PCDH15: variants seen among roughly 807,000 people sequenced by gnomAD.
The protein encoded by PCDH15 is protocadherin-15.
Under a neutral mutation model 178.5 loss-of-function variants are expected in PCDH15, and 129 were observed. The observed-to-expected ratio is 0.72, with a 90% confidence interval of 0.63 to 0.84. PCDH15 has a LOEUF of 0.84. PCDH15 is among the 40% of genes least tolerant of loss of function. PCDH15 has a pLI of 0.00. For missense variants in PCDH15, 2,230 were observed against 2,099.9 expected (o/e 1.06, Z -1.21); for synonymous variants, 800 against 732.0 (o/e 1.09, Z -1.50).
chr10:54,436,139 A>C, intron 3 of PCDH15, among the ~76,000 whole-genome samples: 1 of 149,116 alleles, frequency 6.7e-6, no homozygotes, highest in East Asian at 1.9e-4. Context: ...AAGAAAAAGA[A>C]AGAAAGAAAG....
chr10:54,185,127 T>G lies in PCDH15; in HGVS notation c.1440+7A>C, dbSNP rs540070936. Reference sequence around the variant, plus strand: ...TACATATGTATATTTACACAAAAGCTCTTTACCGAAAAGGTGTAAGTTTGC... The same window carrying G: ...TACATATGTATATTTACACAAAAGCGCTTTACCGAAAAGGTGTAAGTTTGC... On this transcript the variant is annotated splice_region_variant and intron_variant, in intron 12 of 37. Transcript: ENST00000644397. The G allele has an allele frequency of 2.0e-5, 33 of 1,613,104 alleles. No homozygotes were observed. In the East Asian group the frequency reaches 6.7e-4, roughly 33 times the overall value.
upstream of PCDH15, among the ~76,000 whole-genome samples, chr10:55,322,274 G>T (rs1191755645): frequency 6.6e-6 from 1 of 152,142 alleles, no homozygotes; most frequent in Admixed American, 6.5e-5. Flanking sequence ...GGCCTCCCCA[G>T]CCATGTGGAA....
At chr10:53,905,948 CA>C (rs1441776246) in intron 25 of PCDH15, among the ~76,000 whole-genome samples, 2 of 151,912 alleles carry the variant, frequency 1.3e-5, no homozygotes, top group Non-Finnish European at 2.9e-5. Context: ...AGCACACAAA[CA>C]AAATCTCAAG....
chr10:55,117,153 G>A (rs188234504), intron 2 of PCDH15, among the ~76,000 whole-genome samples: 1 of 152,204 alleles, frequency 6.6e-6, no homozygotes, highest in African/African-American at 2.4e-5. Context: ...CTTGTTAATC[G>A]ATCTTTTGTC....
At chr10:55,608,564 G>A (rs189048979) in intron 2 of PCDH15, among the ~76,000 whole-genome samples, 6 of 151,900 alleles carry the variant, frequency 3.9e-5, no homozygotes, top group Admixed American at 2.0e-4. Flanking sequence ...GTATATATCT[G>A]TTACCAAAAC....
intron 18 of PCDH15, among the ~76,000 whole-genome samples, chr10:54,058,718 A>G (rs2093953310): frequency 6.8e-6 from 1 of 147,300 alleles, no homozygotes; most frequent in Non-Finnish European, 1.5e-5. Flanking sequence ...TTTTAGACCA[A>G]GTTTTGCTCT....
chr10:55,175,982 G>C (rs917207961), intron 1 of PCDH15, among the ~76,000 whole-genome samples: 1 of 152,002 alleles, frequency 6.6e-6, no homozygotes, highest in Non-Finnish European at 1.5e-5. Flanking sequence ...GGACTGTCCC[G>C]GGAGATGCAG....
chr10:54,928,698 C>A (rs1264794227), intron 2 of PCDH15, among the ~76,000 whole-genome samples: 1 of 152,112 alleles, frequency 6.6e-6, no homozygotes, highest in Non-Finnish European at 1.5e-5. Flanking sequence ...TCTCTTCAAG[C>A]TCTCACCTTG....
chr10:54,487,912 T>G (rs1320453030), intron 3 of PCDH15, among the ~76,000 whole-genome samples: 1 of 151,996 alleles, frequency 6.6e-6, no homozygotes, highest in Non-Finnish European at 1.5e-5. Context: ...TGTTTTCTTA[T>G]GCAAAATGCT....
At chr10:55,238,417 T>C (rs960824236) in intron 1 of PCDH15, among the ~76,000 whole-genome samples, 1 of 152,134 alleles carries the variant, frequency 6.6e-6, no homozygotes, top group African/African-American at 2.4e-5. Flanking sequence ...CCCAAAGTGC[T>C]GGGATTAAAG....
chr10:55,515,455 G>A (rs1267378116), intron 2 of PCDH15, among the ~76,000 whole-genome samples: 1 of 151,884 alleles, frequency 6.6e-6, no homozygotes, highest in East Asian at 1.9e-4. Context: ...TGAGAATCTA[G>A]GTGTCTTTCA....
In PCDH15 at chr10:54,034,882, T is replaced by C. The variant is rs1293308056; in HGVS notation, c.2221-11685A>G. Among the ~76,000 whole-genome samples, 10 of 152,034 alleles carry C rather than the reference T, an allele frequency of 6.6e-5. No homozygotes were observed. In the East Asian group the frequency reaches 1.9e-3, roughly 30 times the overall value. ...CTGCTGCTTACCTTAATATTAATTA[T>C]ATACACACATTTTTAGAAGTTACAG... On this transcript the variant is annotated intron_variant, in intron 18 of 37. Transcript: ENST00000644397.
At chr10:54,274,100 A>T (rs1279219786) in intron 8 of PCDH15, among the ~76,000 whole-genome samples, 1 of 152,028 alleles carries the variant, frequency 6.6e-6, no homozygotes, top group African/African-American at 2.4e-5. Flanking sequence ...ACACATGGAC[A>T]CATAGAGTGG....
Position 54,548,191 on chromosome 10 carries a change from T to G in PCDH15, c.92-20314A>C, listed in dbSNP as rs187484345. On this transcript the variant is annotated intron_variant, in intron 2 of 37. Transcript: ENST00000644397. The stretch of plus-strand genomic sequence containing the variant: ...ATATTTACATTTTATATTTATATTT[T>G]ATATGTATATACTTATATATTTTAT... Among the ~76,000 whole-genome samples the G allele has an allele frequency of 2.0e-5, 3 of 147,724 alleles. No homozygotes were observed. The Admixed American group carries it at 2.0e-4, about 10-fold the overall frequency.
At chr10:54,071,922 G>A (rs897584566) in intron 17 of PCDH15, among the ~76,000 whole-genome samples, 2 of 151,866 alleles carry the variant, frequency 1.3e-5, no homozygotes, top group South Asian at 2.1e-4. Flanking sequence ...TGTGTCTAAC[G>A]TGTTTACTAA....
chr10:55,199,026 G>T (rs1840170514), intron 1 of PCDH15, among the ~76,000 whole-genome samples: 1 of 152,036 alleles, frequency 6.6e-6, no homozygotes, highest in African/African-American at 2.4e-5. Flanking sequence ...ACAGAAAATT[G>T]GTACTAGGAG....
At chr10:55,041,751 C>A (rs1041268698) in intron 2 of PCDH15, among the ~76,000 whole-genome samples, 1 of 151,986 alleles carries the variant, frequency 6.6e-6, no homozygotes, top group South Asian at 2.1e-4. Context: ...TTTTGTGGTG[C>A]CCCAATATAA....
intron 3 of PCDH15, among the ~76,000 whole-genome samples, chr10:54,493,340 T>C (rs898695886): frequency 7.2e-5 from 11 of 152,174 alleles, no homozygotes; most frequent in Middle Eastern, 3.4e-3. Flanking sequence ...ATAGAATGGA[T>C]AGATTATGGT....
intron 3 of PCDH15, among the ~76,000 whole-genome samples, chr10:54,517,721 T>G (rs543347520): frequency 3.3e-5 from 5 of 152,256 alleles, no homozygotes; most frequent in Admixed American, 1.3e-4. Context: ...CTAATAGACA[T>G]CTACAGAACT....
Sources: allele counts gnomAD v4.1 joint callset (sites outside exome capture counted in the v4.1 genomes callset), GRCh38; gene constraint gnomAD v4.1.1; transcripts MANE v1.5; gene names NCBI Gene and HGNC (gene_info 2026-07-23, HGNC 2026-07-21).